Variants in LY86 observed in about 807,000 individuals in gnomAD.
The protein encoded by LY86 is MD-1, RP105-associated.
A neutral mutation model predicts 17.3 loss-of-function variants in LY86; 20 were observed. The ratio of observed to expected loss-of-function variants is 1.15; its 90% confidence interval spans 0.81 to 1.68. The LOEUF is 1.68. Ranked by LOEUF, LY86 falls within the 40% of genes most tolerant of loss-of-function variation. The probability of loss-of-function intolerance (pLI) is 0.00; values close to 1 mark genes in which losing one functional copy is unlikely to be tolerated. For synonymous variants in LY86, 74 were observed against 70.6 expected (o/e 1.05, Z -0.24); for missense variants, 200 against 191.9 (o/e 1.04, Z -0.25).
intron 1 of LY86, among the ~76,000 whole-genome samples, chr6:6,599,842 G>A (rs554455427): frequency 5.3e-5 from 6 of 114,232 alleles, no homozygotes; most frequent in African/African-American, 1.4e-4. Context: ...AGCAGAGCCC[G>A]ACAGCACCCT....
At chr6:6,593,303 C>A (rs1391179019) in intron 1 of LY86, among the ~76,000 whole-genome samples, 1 of 152,242 alleles carries the variant, frequency 6.6e-6, no homozygotes, top group Non-Finnish European at 1.5e-5. Flanking sequence ...ATCACATGGC[C>A]TTCCTGTTCT....
chr6:6,653,072 T>A (rs192522022), intron 4 of LY86, among the ~76,000 whole-genome samples: 5 of 152,336 alleles, frequency 3.3e-5, no homozygotes, highest in Admixed American at 1.3e-4. Flanking sequence ...ACACTATTTC[T>A]AAAATTACAG....
chr6:6,646,956 TG>T (rs1171900799), intron 3 of LY86, among the ~76,000 whole-genome samples: 1 of 150,968 alleles, frequency 6.6e-6, no homozygotes, highest in African/African-American at 2.4e-5. Flanking sequence ...GAAATCTTAC[TG>T]TATTTCTCAA....
At chr6:6,594,024 T>C (rs577142033) in intron 1 of LY86, among the ~76,000 whole-genome samples, 1 of 152,394 alleles carries the variant, frequency 6.6e-6, no homozygotes, top group South Asian at 2.1e-4. Flanking sequence ...GCCATTGTTT[T>C]TGTTACTGGA....
chr6:6,611,922 G>A (rs933280851), intron 1 of LY86, among the ~76,000 whole-genome samples: 10 of 152,130 alleles, frequency 6.6e-5, no homozygotes, highest in African/African-American at 2.4e-4. Context: ...GCTGTGTTCT[G>A]CCAGCTGCTC....
Position 6,608,556 on chromosome 6 carries a change from A to C in LY86, c.137-16370A>C, listed in dbSNP as rs143734804. Among the ~76,000 whole-genome samples, 24 of 152,170 alleles carry C rather than the reference A, an allele frequency of 1.6e-4. No individual in the cohort carries two copies. The East Asian group carries it at 4.6e-3, about 29-fold the overall frequency. ...GGCCCAGTCCTTTTTTTCTTTCTCC[A>C]GTTTTCAGCAGCTTAAGCCTGGGCA... is the stretch of plus-strand genomic sequence containing the variant. On this transcript the variant is annotated intron_variant, in intron 1 of 4. Transcript: ENST00000230568.
intron 3 of LY86, among the ~76,000 whole-genome samples, chr6:6,646,785 C>T (rs1222722343): frequency 6.6e-6 from 1 of 152,166 alleles, no homozygotes; most frequent in Non-Finnish European, 1.5e-5. Flanking sequence ...CCTTCACTTT[C>T]TCTTCTTTTC....
intron 3 of LY86, among the ~76,000 whole-genome samples, chr6:6,647,274 C>A (rs1286854033): frequency 6.6e-6 from 1 of 152,094 alleles, no homozygotes; most frequent in East Asian, 1.9e-4. Context: ...TTCAGTTATT[C>A]CCTCTTCTGC....
chr6:6,608,836 G>A (rs1234234333), intron 1 of LY86, among the ~76,000 whole-genome samples: 1 of 152,202 alleles, frequency 6.6e-6, no homozygotes, highest in Non-Finnish European at 1.5e-5. Context: ...GGGGAAGGAC[G>A]GCTGTGATTG....
intron 1 of LY86, among the ~76,000 whole-genome samples, chr6:6,606,787 G>T (rs901949215): frequency 2.0e-5 from 3 of 152,368 alleles, no homozygotes; most frequent in African/African-American, 7.2e-5. Context: ...GCGCAGCCCG[G>T]GTTCCCGCTT....
chr6:6,618,404 A>T (rs1167296856), intron 1 of LY86, among the ~76,000 whole-genome samples: 1 of 150,070 alleles, frequency 6.7e-6, no homozygotes, highest in African/African-American at 2.5e-5. Context: ...CTTTTCTGTC[A>T]ATAAAAAGGC....
intron 3 of LY86, among the ~76,000 whole-genome samples, chr6:6,626,887 A>C (rs1249661461): frequency 1.3e-5 from 2 of 152,142 alleles, no homozygotes; most frequent in African/African-American, 4.8e-5. Flanking sequence ...ATTGACTAGC[A>C]GGGCATCCGG....
At chr6:6,600,009 TC>T (rs1210441880) in intron 1 of LY86, among the ~76,000 whole-genome samples, 1 of 152,122 alleles carries the variant, frequency 6.6e-6, no homozygotes, top group African/African-American at 2.4e-5. Flanking sequence ...TAGGCAGCCC[TC>T]CTCTTAGGGC....
intron 1 of LY86, among the ~76,000 whole-genome samples, chr6:6,621,685 A>G (rs1006324458): frequency 1.6e-4 from 25 of 152,228 alleles, no homozygotes; most frequent in African/African-American, 5.1e-4. Flanking sequence ...CCAAAACAAA[A>G]TGTCAATAGT....
chr6:6,604,699 G>A (rs1431920571), intron 1 of LY86, among the ~76,000 whole-genome samples: 1 of 152,194 alleles, frequency 6.6e-6, no homozygotes, highest in Non-Finnish European at 1.5e-5. Context: ...TTATTAGCCA[G>A]AGATATCAGT....
intron 1 of LY86, among the ~76,000 whole-genome samples, chr6:6,624,723 T>C: frequency 6.6e-6 from 1 of 152,188 alleles, no homozygotes; most frequent in East Asian, 1.9e-4. Flanking sequence ...AGGCCCCCTG[T>C]TGTCAGAGTG....
intron 1 of LY86, among the ~76,000 whole-genome samples, chr6:6,590,308 C>T (rs754433792): frequency 3.3e-5 from 5 of 152,026 alleles, no homozygotes; most frequent in Non-Finnish European, 7.4e-5. Flanking sequence ...TACTAAGTGA[C>T]GGACAGGCCG....
At chr6:6,630,015 A>T (rs558862000) in intron 3 of LY86, among the ~76,000 whole-genome samples, 1 of 152,378 alleles carries the variant, frequency 6.6e-6, no homozygotes, top group Non-Finnish European at 1.5e-5. Flanking sequence ...ATTGTATAAA[A>T]TGTGTGTAAG....
chr6:6,616,931 G>A (rs1348929399), intron 1 of LY86, among the ~76,000 whole-genome samples: 1 of 152,224 alleles, frequency 6.6e-6, no homozygotes, highest in Non-Finnish European at 1.5e-5. Context: ...GGTTGTGTGA[G>A]TGTCACCAGT....
Sources: gnomAD v4.1 joint callset for allele counts (sites outside exome capture counted in the v4.1 genomes callset) on GRCh38, gnomAD v4.1.1 for gene constraint, MANE v1.5 for transcripts, NCBI Gene and HGNC (gene_info 2026-07-23, HGNC 2026-07-21) for gene names.